Variants in PTPRR observed in about 807,000 individuals in gnomAD.
The protein encoded by PTPRR is protein tyrosine phosphatase receptor type R.
In PTPRR, 38 loss-of-function variants were observed where a neutral mutation model predicts 77.2. The ratio of observed to expected loss-of-function variants is 0.49; its 90% CI spans 0.38 to 0.65. PTPRR has a LOEUF of 0.65. Ranked by LOEUF, PTPRR falls within the 30% of genes least tolerant of loss-of-function variation. The pLI, the probability that PTPRR is intolerant of heterozygous loss-of-function variation, is 0.00. For missense variants in PTPRR, 744 were observed against 799.2 expected, an observed-to-expected ratio of 0.93 and a Z score of 0.83; for synonymous variants, 299 against 283.1, an observed-to-expected ratio of 1.06 and a Z score of -0.57.
At chr12:70,717,930 C>A (rs1889094939) in intron 6 of PTPRR, among the ~76,000 whole-genome samples, 1 of 152,124 alleles carries the variant, frequency 6.6e-6, no homozygotes, top group Non-Finnish European at 1.5e-5. Flanking sequence ...AAACAATTAT[C>A]ATATAAAACC....
At chr12:70,833,989 G>C (rs1892259943) in intron 2 of PTPRR, among the ~76,000 whole-genome samples, 1 of 152,058 alleles carries the variant, frequency 6.6e-6, no homozygotes, top group African/African-American at 2.4e-5. Flanking sequence ...ATTGATTTCT[G>C]AATCTGCCCT....
At chr12:70,692,798 T>C (rs1413433976) in intron 8 of PTPRR, among the ~76,000 whole-genome samples, 2 of 152,198 alleles carry the variant, frequency 1.3e-5, no homozygotes, top group Non-Finnish European at 2.9e-5. Flanking sequence ...TCTTCTTTGC[T>C]TGGGTCCCCT....
intron 6 of PTPRR, among the ~76,000 whole-genome samples, chr12:70,736,862 G>A (rs187839478): frequency 2.9e-4 from 44 of 152,288 alleles, no homozygotes; most frequent in Middle Eastern, 3.4e-3. Context: ...CGTGTGGTAC[G>A]TGTATAATGG....
rs374821182 is a variant in PTPRR at position 70,848,216 on chromosome 12, G to A, written c.357+44463C>T. Among the ~76,000 whole-genome samples the A allele has an allele frequency of 5.3e-5, 8 of 152,264 alleles. No individual in the cohort carries two copies. The East Asian group carries it at 7.7e-4, about 15-fold the overall frequency. ...ATAATGACTTGATGTGTAGACAATC[G>A]TACTAGCACTGAATAATCTCCATTT... On this transcript the variant is annotated intron_variant, in intron 2 of 13. Coordinates refer to ENST00000283228, the MANE Select transcript of PTPRR (RefSeq NM_002849.4).
intron 6 of PTPRR, among the ~76,000 whole-genome samples, chr12:70,720,615 G>T (rs1369841288): frequency 6.6e-6 from 1 of 150,742 alleles, no homozygotes; most frequent in Non-Finnish European, 1.5e-5. Flanking sequence ...GGGTTCAAGC[G>T]ATTCTCCTGC....
At chr12:70,751,246 G>C (rs879575961) in intron 5 of PTPRR, among the ~76,000 whole-genome samples, 4 of 152,038 alleles carry the variant, frequency 2.6e-5, no homozygotes, top group Admixed American at 6.6e-5. Context: ...TACCCCTGTT[G>C]CTGAGGATTG....
intron 6 of PTPRR, among the ~76,000 whole-genome samples, chr12:70,737,448 G>T (rs1258653068): frequency 6.6e-6 from 1 of 151,844 alleles, no homozygotes; most frequent in Non-Finnish European, 1.5e-5. Flanking sequence ...GAAAATGAGA[G>T]AGTTGGATCC....
At chr12:70,766,665 G>A (rs1318846965) in intron 2 of PTPRR, among the ~76,000 whole-genome samples, 9 of 151,022 alleles carry the variant, frequency 6.0e-5, no homozygotes, top group Admixed American at 4.6e-4. Flanking sequence ...TACAGAGAAT[G>A]CCACAAAGAT....
intron 2 of PTPRR, among the ~76,000 whole-genome samples, chr12:70,772,173 A>G (rs2136985188): frequency 1.3e-5 from 2 of 152,256 alleles, no homozygotes; most frequent in South Asian, 4.1e-4. Flanking sequence ...ATCTTTATGC[A>G]TTTCTTTTAT....
At chr12:70,920,280 T>C (rs1346911812) in intron 1 of PTPRR, 53 bp downstream of exon 1, 15 of 1,554,504 alleles carry the variant, frequency 9.6e-6, no homozygotes, top group Non-Finnish European at 1.3e-5. Flanking sequence ...CTTAAGCATG[T>C]GCAGTTTCCC....
At chr12:70,764,113 C>A (rs1890757006) in intron 3 of PTPRR, among the ~76,000 whole-genome samples, 1 of 151,476 alleles carries the variant, frequency 6.6e-6, no homozygotes, top group African/African-American at 2.4e-5. Flanking sequence ...CTGCAGTCCT[C>A]AGGGTCAGTT....
intron 6 of PTPRR, among the ~76,000 whole-genome samples, chr12:70,716,408 T>A (rs1422323915): frequency 5.3e-5 from 8 of 152,114 alleles, no homozygotes; most frequent in African/African-American, 1.9e-4. Flanking sequence ...CTATTATACT[T>A]ATGTATTATG....
chr12:70,704,035 C>T (rs1267368826), intron 6 of PTPRR, among the ~76,000 whole-genome samples: 1 of 152,086 alleles, frequency 6.6e-6, no homozygotes, highest in African/African-American at 2.4e-5. Context: ...CTAGAGTTCT[C>T]TTGTATAAAA....
chr12:70,646,260 T>A (rs1886194764), intron 13 of PTPRR, among the ~76,000 whole-genome samples: 2 of 152,136 alleles, frequency 1.3e-5, no homozygotes, highest in East Asian at 3.9e-4. Flanking sequence ...TCTGGCCCCT[T>A]GGACAGAGGA....
chr12:70,673,829 A>G (rs1443390080), intron 10 of PTPRR, among the ~76,000 whole-genome samples: 1 of 152,118 alleles, frequency 6.6e-6, no homozygotes. Flanking sequence ...TCTCTGCTTT[A>G]ATTATAGTCA....
intron 1 of PTPRR, among the ~76,000 whole-genome samples, chr12:70,904,087 T>TG (rs1423791105): frequency 6.6e-6 from 1 of 151,878 alleles, no homozygotes; most frequent in Non-Finnish European, 1.5e-5. Context: ...CTGGAGCAAC[T>TG]GGAAGTCTCA....
chr12:70,764,842 C>T (rs1890777808), intron 2 of PTPRR, 64 bp from the exon 3 acceptor site: 6 of 1,205,522 alleles, frequency 5.0e-6, no homozygotes, highest in Middle Eastern at 4.0e-4. Context: ...GTATAGAATA[C>T]ATCCAAATAA....
intron 2 of PTPRR, among the ~76,000 whole-genome samples, chr12:70,780,640 A>G (rs1010822225): frequency 1.2e-4 from 19 of 152,120 alleles, no homozygotes; most frequent in African/African-American, 3.6e-4. Context: ...TATCATACAA[A>G]TATTTATCCA....
At chr12:70,741,983 C>T (rs1361189420) in intron 6 of PTPRR, among the ~76,000 whole-genome samples, 5 of 151,862 alleles carry the variant, frequency 3.3e-5, no homozygotes, top group Non-Finnish European at 7.4e-5. Context: ...TTGGATACAA[C>T]TGAAAAAGAG....
Sources: allele counts gnomAD v4.1 joint callset (sites outside exome capture counted in the v4.1 genomes callset), GRCh38; gene constraint gnomAD v4.1.1; transcripts MANE v1.5; gene names NCBI Gene and HGNC (gene_info 2026-07-23, HGNC 2026-07-21).